RAB40C: variants seen among roughly 807,000 people sequenced by gnomAD.
The protein encoded by RAB40C is RAB40C, member RAS oncogene family.
In RAB40C, 8 loss-of-function variants were observed where a neutral mutation model predicts 28.1. The observed-to-expected ratio is 0.28, with a 90% CI of 0.17 to 0.51. The LOEUF is 0.51. RAB40C is among the 20% of genes least tolerant of loss of function. RAB40C has a pLI of 0.97. For synonymous variants in RAB40C, 201 were observed against 171.7 expected (o/e 1.17, Z -1.34); for missense variants, 288 against 405.9 (o/e 0.71, Z 2.50).
rs761887472 is a variant in RAB40C at position 625,997 on chromosome 16, G to C, written c.441G>C (p.Lys147Asn). ...AGCAGGCCCGCGCGTACGCAGAGAA[G>C]AACTGCATGACCTTCTTTGAGGTCA... ...PTEQARAYAE[K>N]NCMTFFEVSP... Residue 147 changes from lysine to asparagine, a missense_variant, in exon 5 of 6, where the codon AAG becomes AAC. By Grantham distance (94) the Lys-to-Asn change is moderately conservative. Around this residue, in one of 3 missense-constraint regions of RAB40C, gnomAD observed 153 missense variants for 262.4 expected, o/e 0.58. Coordinates refer to ENST00000248139, the MANE Select transcript of RAB40C (RefSeq NM_021168.5). The C allele has an allele frequency of 6.2e-7, 1 of 1,613,246 alleles. No individual in the cohort carries two copies. Among genetic ancestry groups the C allele is most frequent in the Non-Finnish European group, 8.5e-7 (1 of 1,180,018 alleles).
At position 618,229 on chromosome 16, in the gene RAB40C, C is replaced by A; in HGVS notation, c.233C>A (p.Thr78Asn). The change falls in exon 3 of 6, where the codon ACC becomes AAC. Residue 78 changes from threonine (T) to asparagine (N), a missense_variant. By Grantham distance (65) the Thr-to-Asn change is moderately conservative. Around this residue, in one of 3 missense-constraint regions of RAB40C, gnomAD observed 153 missense variants for 262.4 expected, o/e 0.58. Coordinates refer to ENST00000248139, the MANE Select transcript of RAB40C (RefSeq NM_021168.5). Reference sequence around the variant, plus strand: ...ACGTCGGGCCAGGGCCGGTTCTGCACCATCTTCAGGTCCTACTCCAGGGGC... The same window carrying A: ...ACGTCGGGCCAGGGCCGGTTCTGCAACATCTTCAGGTCCTACTCCAGGGGC... ...WDTSGQGRFCTIFRSYSRGAQ... is the reference protein window; with the variant it reads ...WDTSGQGRFCNIFRSYSRGAQ... 1 of 1,613,750 alleles carries A rather than the reference C, an allele frequency of 6.2e-7. No homozygotes were observed.
At chr16:606,886 G>A (rs543203047) in intron 1 of RAB40C, among the ~76,000 whole-genome samples, 2 of 152,164 alleles carry the variant, frequency 1.3e-5, no homozygotes, top group Non-Finnish European at 2.9e-5. Flanking sequence ...CTCGAGATCC[G>A]TGCACCTTAA....
At chr16:620,194 A>G (rs1464032559) in intron 3 of RAB40C, among the ~76,000 whole-genome samples, 1 of 152,192 alleles carries the variant, frequency 6.6e-6, no homozygotes, top group East Asian at 1.9e-4. Flanking sequence ...AGAGTTGGAG[A>G]CCAACCTGAC....
intron 1 of RAB40C, 156 bp from the exon 2 acceptor site, chr16:617,052 C>T (rs1409377471): frequency 1.3e-6 from 1 of 770,026 alleles, no homozygotes; most frequent in Non-Finnish European, 2.1e-6. Context: ...GGCCAGAGCC[C>T]CGAGATTTCC....
chr16:601,588 G>A (rs1378104136), intron 1 of RAB40C, among the ~76,000 whole-genome samples: 1 of 152,118 alleles, frequency 6.6e-6, no homozygotes, highest in Non-Finnish European at 1.5e-5. Flanking sequence ...GGCCATGCAT[G>A]CAGTGTTCAG....
chr16:604,278 C>T (rs1231011983), intron 1 of RAB40C, among the ~76,000 whole-genome samples: 1 of 151,928 alleles, frequency 6.6e-6, no homozygotes, highest in South Asian at 2.1e-4. Flanking sequence ...ATACAGAAAA[C>T]ACGTCATTTT....
intron 1 of RAB40C, among the ~76,000 whole-genome samples, chr16:616,187 C>T (rs1428163773): frequency 1.3e-5 from 2 of 149,466 alleles, no homozygotes; most frequent in Admixed American, 6.7e-5. Flanking sequence ...ACCCGGGAGA[C>T]GGAGCTTGCA....
intron 1 of RAB40C, among the ~76,000 whole-genome samples, chr16:614,421 A>G (rs1196003067): frequency 1.8e-5 from 2 of 109,724 alleles, no homozygotes; most frequent in African/African-American, 7.3e-5. Flanking sequence ...TGAACTGCCT[A>G]ACTCTACCGC....
chr16:623,371 C>T (rs539890209), intron 3 of RAB40C, among the ~76,000 whole-genome samples: 26 of 151,222 alleles, frequency 1.7e-4, no homozygotes, highest in African/African-American at 5.6e-4. Flanking sequence ...CATGCTGGGC[C>T]GGGCGCGGTG....
rs747822516 is a variant in RAB40C, at chr16:590,272, G to C, written c.-20G>C. On this transcript the variant is annotated 5_prime_UTR_variant, in exon 1 of 6. Transcript: ENST00000248139. ...CGGTGCTTCGGCAGGCGGCCGGCGC[G>C]GGGCGCAGGCGGCGCGGCCATGGGC... is the stretch of plus-strand genomic sequence containing the variant. 7.0e-5 allele frequency: 103 copies of C among 1,473,900 alleles called. No individual in the cohort carries two copies. Among genetic ancestry groups the C allele is most frequent in the Non-Finnish European group, 9.0e-5 (100 of 1,111,646 alleles). 91.3% of individuals were successfully genotyped at this position (1,473,900 alleles called of 1,614,324 possible).
At chr16:621,815 G>A (rs1257356511) in intron 3 of RAB40C, among the ~76,000 whole-genome samples, 1 of 152,242 alleles carries the variant, frequency 6.6e-6, no homozygotes, top group Non-Finnish European at 1.5e-5. Context: ...CAAGTGCCAT[G>A]TCTGCTTCAG....
Position 593,843 on chromosome 16 carries a change from C to G in RAB40C, c.142+3410C>G, listed in dbSNP as rs538585495. ...CAGTGATCTTAGGGAGTGCTTCATGCTCTCTTCAGGATGGAACAGAGCGCT... is the reference window on the plus strand; with the variant it reads ...CAGTGATCTTAGGGAGTGCTTCATGGTCTCTTCAGGATGGAACAGAGCGCT... On this transcript the variant is annotated intron_variant, in intron 1 of 5. Transcript: ENST00000248139. 1.6e-3 allele frequency among the ~76,000 whole-genome samples: 242 copies of G among 152,208 alleles called. 2 individuals carry two copies. The highest frequency in any genetic ancestry group is 3.1e-3 in the Non-Finnish European group (210 of 68,040).
chr16:602,268 G>GT (rs1438006292), intron 1 of RAB40C, among the ~76,000 whole-genome samples: 61 of 136,496 alleles, frequency 4.5e-4, no homozygotes, highest in East Asian at 1.1e-3. Context: ...TTTTGGTTTT[G>GT]TTTTTTTTTA....
chr16:625,349 A>C (rs1449649465), intron 3 of RAB40C, 83 bp from the exon 4 acceptor site: 3 of 1,557,162 alleles, frequency 1.9e-6, no homozygotes, highest in African/African-American at 2.7e-5. Flanking sequence ...CCGGGAACTG[A>C]GGCCCCTGCA....
At chr16:606,638 G>C (rs1303719234) in intron 1 of RAB40C, among the ~76,000 whole-genome samples, 2 of 152,240 alleles carry the variant, frequency 1.3e-5, no homozygotes, top group African/African-American at 4.8e-5. Context: ...CGTTCTTGCT[G>C]GTGGTAGGAC....
intron 1 of RAB40C, among the ~76,000 whole-genome samples, chr16:609,664 G>A (rs1158791512): frequency 6.6e-6 from 1 of 152,204 alleles, no homozygotes; most frequent in Non-Finnish European, 1.5e-5. Context: ...CGCTGCCAGA[G>A]GGGAACGCTC....
At chr16:602,233 G>T (rs1490285985) in intron 1 of RAB40C, among the ~76,000 whole-genome samples, 2 of 151,176 alleles carry the variant, frequency 1.3e-5, no homozygotes, top group South Asian at 4.2e-4. Context: ...GACAACATTA[G>T]CAGTGGTCAT....
At chr16:603,454 G>A (rs924165304) in intron 1 of RAB40C, among the ~76,000 whole-genome samples, 3 of 152,152 alleles carry the variant, frequency 2.0e-5, no homozygotes, top group Non-Finnish European at 4.4e-5. Flanking sequence ...GGCCCCGCAC[G>A]TGAATGACTT....
chr16:609,382 T>C (rs1219349797), intron 1 of RAB40C, among the ~76,000 whole-genome samples: 1 of 152,000 alleles, frequency 6.6e-6, no homozygotes, highest in Non-Finnish European at 1.5e-5. Context: ...AGCAAGCCCC[T>C]CCTTGCCTGG....
Sources: allele counts gnomAD v4.1 joint callset (sites outside exome capture counted in the v4.1 genomes callset), GRCh38; gene constraint gnomAD v4.1.1; regional missense constraint gnomAD v4.1.1; transcripts MANE v1.5; gene names NCBI Gene and HGNC (gene_info 2026-07-23, HGNC 2026-07-21).